The following ZNF565 variants were observed in gnomAD, a reference collection of about 807,000 sequenced individuals.
The protein encoded by ZNF565 is zinc finger protein 565.
In ZNF565, 27 loss-of-function variants were observed where a neutral mutation model predicts 39.4. The observed-to-expected ratio is 0.69, with a 90% CI of 0.51 to 0.95. ZNF565 has a LOEUF of 0.95. Ranked by LOEUF, ZNF565 falls within the 40% of genes least tolerant of loss-of-function variation. The pLI is 0.00. For missense variants in ZNF565, 524 were observed against 621.1 expected (o/e 0.84, Z 1.66); for synonymous variants, 185 against 216.6 (o/e 0.85, Z 1.28).
intron 1 of ZNF565, among the ~76,000 whole-genome samples, chr19:36,203,133 G>A (rs936228289): frequency 6.6e-5 from 10 of 151,886 alleles, no homozygotes; most frequent in South Asian, 2.1e-4. Context: ...TCGGGAGTTC[G>A]AGACCAGCCT....
intron 1 of ZNF565, among the ~76,000 whole-genome samples, chr19:36,228,158 C>CAA (rs71171422): frequency 4.4e-4 from 47 of 106,632 alleles, no homozygotes; most frequent in African/African-American, 6.9e-4. Flanking sequence ...GAAACTGTCT[C>CAA]AAAAAAAAAA....
intron 1 of ZNF565, among the ~76,000 whole-genome samples, chr19:36,211,566 G>A (rs1450933972): frequency 6.6e-6 from 1 of 152,028 alleles, no homozygotes; most frequent in Non-Finnish European, 1.5e-5. Context: ...GGCCAAGGTG[G>A]GTGGATCACG....
chr19:36,234,251 A>G (rs1364686703), intron 1 of ZNF565, among the ~76,000 whole-genome samples: 2 of 152,188 alleles, frequency 1.3e-5, no homozygotes, highest in Non-Finnish European at 2.9e-5. Context: ...TTTTCTTAGT[A>G]CAGAACAAAA....
chr19:36,226,534 T>G (rs113996036), intron 1 of ZNF565, among the ~76,000 whole-genome samples: 2,221 of 152,334 alleles, frequency 0.015, 49 homozygotes, highest in African/African-American at 0.05. Context: ...ACATTTTGGT[T>G]GTTTTATTTT....
intron 4 of ZNF565, among the ~76,000 whole-genome samples, chr19:36,193,489 G>A (rs1257368985): frequency 7.1e-6 from 1 of 141,542 alleles, no homozygotes; most frequent in Non-Finnish European, 1.5e-5. Context: ...TGCCCAGGCT[G>A]GAGTGCAGTG....
At chr19:36,239,425 C>G (rs1362215972) in intron 1 of ZNF565, among the ~76,000 whole-genome samples, 1 of 151,148 alleles carries the variant, frequency 6.6e-6, no homozygotes, top group Non-Finnish European at 1.5e-5. Flanking sequence ...TGGGCTCAAG[C>G]AGTCCTCCGA....
In ZNF565 at chr19:36,195,171, C is replaced by G. The variant is rs758061949; in HGVS notation, c.10-15G>C. 1.2e-6 allele frequency: 2 copies of G among 1,611,272 alleles called. No individual in the cohort carries two copies. Among genetic ancestry groups the G allele is most frequent in the East Asian group, 2.2e-5 (1 of 44,834 alleles). ...GTCACCAGTCCCTGAAACAATAAAC[C>G]CACGCATTAGTGTACATTAAGAAAC... On this transcript the variant is annotated splice_polypyrimidine_tract_variant and intron_variant, in intron 2 of 4. Coordinates refer to ENST00000304116, the MANE Select transcript of ZNF565 (RefSeq NM_152477.5).
rs780861483 is a variant in ZNF565 at position 36,183,394 on chromosome 19, C to T, written c.572G>A (p.Gly191Asp). Residue 191 changes from glycine (G) to aspartate (D), a missense_variant, in exon 5 of 5, where the codon GGT (glycine) becomes GAT (aspartate). Gly to Asp is a moderately conservative substitution (Grantham distance 94, BLOSUM62 -1). Transcript: ENST00000304116. ...TTCCTTACATCCAAAGGGTTTTTCA[C>T]CAGTGTGAATTTTCTGATGTTGAAT... is the stretch of plus-strand genomic sequence containing the variant. Reference protein sequence around the residue: ...HLIQHQKIHTGEKPFGCKECG... With the variant: ...HLIQHQKIHTDEKPFGCKECG... 6.2e-7 allele frequency: 1 copy of T among 1,608,276 alleles called. No individual in the cohort carries two copies. Among genetic ancestry groups the T allele is most frequent in the Non-Finnish European group, 8.5e-7 (1 of 1,174,806 alleles).
chr19:36,184,813 G>A (rs1034639161), intron 4 of ZNF565, among the ~76,000 whole-genome samples: 18 of 151,914 alleles, frequency 1.2e-4, no homozygotes, highest in Admixed American at 9.2e-4. Flanking sequence ...TTCCCATTTC[G>A]GTGCATTAAG....
intron 1 of ZNF565, among the ~76,000 whole-genome samples, chr19:36,230,904 C>T (rs1390535782): frequency 2.6e-5 from 4 of 152,112 alleles, no homozygotes; most frequent in Non-Finnish European, 5.9e-5. Context: ...CAGGTTCAAG[C>T]GATTCTCCTG....
chr19:36,205,506 G>A (rs1976119921), intron 1 of ZNF565, among the ~76,000 whole-genome samples: 1 of 152,068 alleles, frequency 6.6e-6, no homozygotes, highest in Admixed American at 6.6e-5. Flanking sequence ...CCAGCCTGGG[G>A]AACAGAGTGA....
upstream of ZNF565, among the ~76,000 whole-genome samples, chr19:36,219,651 C>T (rs1200601579): frequency 6.6e-6 from 1 of 152,046 alleles, no homozygotes; most frequent in African/African-American, 2.4e-5. Flanking sequence ...GTTATGTTTA[C>T]TTTGGTTCAT....
At chr19:36,184,930 C>T (rs978813757) in intron 4 of ZNF565, among the ~76,000 whole-genome samples, 4 of 151,972 alleles carry the variant, frequency 2.6e-5, no homozygotes, top group African/African-American at 7.2e-5. Flanking sequence ...CCAGCCTGGC[C>T]AACATGGAGA....
chr19:36,199,506 C>CTTTTTTTTTTTTTT (rs1183093969), intron 2 of ZNF565, among the ~76,000 whole-genome samples: 1 of 128,954 alleles, frequency 7.8e-6, no homozygotes, highest in East Asian at 2.3e-4. Flanking sequence ...CTTTCTTTCT[C>CTTTTTTTTTTTTTT]TTTTTTTTTT....
rs1167830455 is a variant in ZNF565, at chr19:36,245,706, A to G, written c.-176T>C. On this transcript the variant is annotated 5_prime_UTR_variant, in exon 1 of 5. Transcript: ENST00000355114. The surrounding 1 kb of genome is among the most constrained non-coding windows in gnomAD (Gnocchi z 4.4). ...GTCTCTTAAGGACCCTCCGTTGACG[A>G]TGCCTCGAGCTATGACCCACCCTGG... 12 of 604,984 alleles carry G rather than the reference A, an allele frequency of 2.0e-5. No homozygotes were observed. In the African/African-American group the frequency reaches 2.0e-4, roughly 10 times the overall value. The allele number at this position is 604,984 out of a possible 1,614,324, so 37.5% of individuals were successfully genotyped here. A position where few individuals can be genotyped will look rare whatever the true frequency, so the allele number is the denominator to read the frequency against.
intron 1 of ZNF565, among the ~76,000 whole-genome samples, chr19:36,226,829 T>A (rs975136631): frequency 3.9e-5 from 6 of 152,214 alleles, no homozygotes; most frequent in African/African-American, 1.4e-4. Flanking sequence ...CTCACAACTG[T>A]AATCCCAGCC....
chr19:36,200,690 T>C (rs964971280), intron 2 of ZNF565, among the ~76,000 whole-genome samples: 18 of 151,818 alleles, frequency 1.2e-4, no homozygotes, highest in African/African-American at 4.1e-4. Flanking sequence ...GGTTTCACCA[T>C]GTTGGCCAGG....
At chr19:36,238,635 G>A (rs1977734074) in intron 1 of ZNF565, 1 of 166,968 alleles carries the variant, frequency 6.0e-6, no homozygotes. Context: ...TGTTATACTG[G>A]ATTCATTTCC....
intron 4 of ZNF565, among the ~76,000 whole-genome samples, chr19:36,193,486 G>T (rs1163354716): frequency 6.8e-6 from 1 of 147,418 alleles, no homozygotes; most frequent in African/African-American, 2.5e-5. Context: ...TGTTGCCCAG[G>T]CTGGAGTGCA....
Sources: gnomAD v4.1 joint callset for allele counts (sites outside exome capture counted in the v4.1 genomes callset) on GRCh38, gnomAD v4.1.1 for gene constraint, Gnocchi (gnomAD v3.1) non-coding constraint, MANE v1.5 for transcripts, NCBI Gene and HGNC (gene_info 2026-07-23, HGNC 2026-07-21) for gene names.